Variants in OXR1 observed in about 807,000 individuals in gnomAD.
OXR1 encodes oxidation resistance 1.
OXR1 carries 41 observed loss-of-function variants against 104.6 expected under a neutral mutation model. That is an observed-to-expected ratio of 0.39 (90% CI 0.31 to 0.51). The LOEUF (loss-of-function observed/expected upper bound fraction) is 0.51. Among genes scored for constraint, OXR1 ranks in the 20% least tolerant of loss-of-function variants. The pLI is 0.77. For missense variants in OXR1, 955 were observed against 1,031.9 expected, an observed-to-expected ratio of 0.93 and a Z score of 1.02; for synonymous variants, 348 against 348.4, an observed-to-expected ratio of 1.00 and a Z score of 0.01.
At chr8:106,454,983 C>A (rs1441610899) in intron 2 of OXR1, among the ~76,000 whole-genome samples, 1 of 152,156 alleles carries the variant, frequency 6.6e-6, no homozygotes, top group Non-Finnish European at 1.5e-5. Context: ...AAGATAAGAA[C>A]TAACACTATA....
intron 2 of OXR1, among the ~76,000 whole-genome samples, chr8:106,359,849 T>C (rs893997531): frequency 6.6e-6 from 1 of 152,168 alleles, no homozygotes; most frequent in Non-Finnish European, 1.5e-5. Flanking sequence ...TGGAAAGGAT[T>C]GAAGCCTCGC....
rs377295420 is a variant in OXR1, at chr8:106,463,750, G to T, written c.24-55193G>T. ...TAAACGAGCCTATCCGTGAAGTAGG[G>T]ATTGTAAGAGCAGCAGCATCATATT... On this transcript the variant is annotated intron_variant, in intron 2 of 16. Transcript: ENST00000517566. Among the ~76,000 whole-genome samples, 8 of 152,234 alleles carry T rather than the reference G, an allele frequency of 5.3e-5. No homozygotes were observed. In the South Asian group the frequency reaches 1.4e-3, roughly 28 times the overall value.
chr8:106,394,163 GA>G (rs1357728918), intron 2 of OXR1, among the ~76,000 whole-genome samples: 1 of 151,858 alleles, frequency 6.6e-6, no homozygotes, highest in Non-Finnish European at 1.5e-5. Flanking sequence ...TTGGGGGCAG[GA>G]AACACATTTT....
intron 2 of OXR1, among the ~76,000 whole-genome samples, chr8:106,459,998 TATTC>T (rs1420449810): frequency 6.6e-6 from 1 of 152,206 alleles, no homozygotes; most frequent in Admixed American, 6.5e-5. Flanking sequence ...CACAGTCACT[TATTC>T]ATTAATTCAT....
chr8:106,505,956 C>A (rs979013746), intron 2 of OXR1, among the ~76,000 whole-genome samples: 2 of 152,046 alleles, frequency 1.3e-5, no homozygotes, highest in African/African-American at 4.8e-5. Flanking sequence ...CAAGGTCTAA[C>A]CAGAGAGAGC....
intron 11 of OXR1, among the ~76,000 whole-genome samples, chr8:106,717,723 T>C (rs1832406251): frequency 6.6e-6 from 1 of 152,220 alleles, no homozygotes; most frequent in Non-Finnish European, 1.5e-5. Flanking sequence ...TATTTATTAA[T>C]GGATAAACTT....
intron 3 of OXR1, among the ~76,000 whole-genome samples, chr8:106,521,002 C>T (rs1465424379): frequency 6.6e-6 from 1 of 152,122 alleles, no homozygotes; most frequent in African/African-American, 2.4e-5. Flanking sequence ...CTCATGAATT[C>T]TTCACTATTG....
In OXR1 at chr8:106,750,989, G is replaced by T. The variant is rs1398357189; in HGVS notation, c.*48G>T. 6.8e-7 allele frequency: 1 copy of T among 1,463,738 alleles called. No individual in the cohort carries two copies. The highest frequency in any genetic ancestry group is 9.2e-7 in the Non-Finnish European group (1 of 1,081,714). 90.7% of individuals were successfully genotyped at this position (1,463,738 alleles called of 1,614,324 possible). ...AGGAGAATGGCCCAAACCTGACATG[G>T]ACAAGCATTGTTTGGAAAGTTCAAG... On this transcript the variant is annotated 3_prime_UTR_variant, in exon 17 of 17. Coordinates refer to ENST00000517566, the MANE Select transcript of OXR1 (RefSeq NM_001198533.2).
intron 3 of OXR1, among the ~76,000 whole-genome samples, chr8:106,550,750 C>T (rs1348171728): frequency 6.6e-6 from 1 of 152,110 alleles, no homozygotes; most frequent in African/African-American, 2.4e-5. Flanking sequence ...CATTAGGTCT[C>T]CCCTGCCACA....
intron 2 of OXR1, among the ~76,000 whole-genome samples, chr8:106,483,754 A>G (rs2129771897): frequency 6.6e-6 from 1 of 152,182 alleles, no homozygotes; most frequent in South Asian, 2.1e-4. Context: ...CCAAGCCCAC[A>G]GAGTTGAGGA....
intron 3 of OXR1, among the ~76,000 whole-genome samples, chr8:106,575,985 A>AACTAACAC (rs1817798178): frequency 6.9e-6 from 1 of 144,296 alleles, no homozygotes; most frequent in African/African-American, 2.6e-5. Context: ...AAATGTTTAT[A>AACTAACAC]ACACACACAC....
At position 106,697,322 on chromosome 8, in the gene OXR1, G is replaced by T. The variant is rs941274630; in HGVS notation, c.675+4445G>T. On this transcript the variant is annotated intron_variant, in intron 7 of 16. Coordinates refer to ENST00000517566, the MANE Select transcript of OXR1 (RefSeq NM_001198533.2). ...GAACCCCTCACCCTGACAGAAGGGA[G>T]CTTAAGAGCTCTGGGGCTCTCTGGG... The T allele has an allele frequency of 6.8e-6, 6 of 888,454 alleles. No homozygotes were observed. In the African/African-American group the frequency reaches 8.4e-5, roughly 12 times the overall value. The allele number at this position is 888,454 out of a possible 1,614,324, so 55.0% of individuals were successfully genotyped here. A position where few individuals can be genotyped will look rare whatever the true frequency, so the allele number is the denominator to read the frequency against.
chr8:106,480,993 C>T (rs551454208), intron 2 of OXR1, among the ~76,000 whole-genome samples: 51 of 152,108 alleles, frequency 3.4e-4, no homozygotes, highest in African/African-American at 1.2e-3. Context: ...CTGACTCCTA[C>T]GTAACTATCC....
At chr8:106,303,193 A>G (rs1371808674) in intron 1 of OXR1, among the ~76,000 whole-genome samples, 5 of 151,028 alleles carry the variant, frequency 3.3e-5, no homozygotes, top group Admixed American at 1.3e-4. Flanking sequence ...ATACATACAG[A>G]ATCAACTTTA....
intron 2 of OXR1, among the ~76,000 whole-genome samples, chr8:106,496,870 C>A (rs1375171710): frequency 6.6e-6 from 1 of 152,182 alleles, no homozygotes; most frequent in Non-Finnish European, 1.5e-5. Context: ...AGTGGGTGAA[C>A]TAGTGTGGCC....
chr8:106,560,207 C>T (rs1816579343), intron 3 of OXR1, among the ~76,000 whole-genome samples: 1 of 152,124 alleles, frequency 6.6e-6, no homozygotes, highest in Non-Finnish European at 1.5e-5. Context: ...CCATTGGCTA[C>T]AAACTATTCA....
chr8:106,406,367 C>G (rs1818234607), intron 2 of OXR1, among the ~76,000 whole-genome samples: 4 of 151,952 alleles, frequency 2.6e-5, no homozygotes, highest in Middle Eastern at 3.4e-3. Context: ...ATATATATAA[C>G]TATGTTTTGA....
chr8:106,282,230 T>A (rs978952816), intron 1 of OXR1, among the ~76,000 whole-genome samples: 7 of 152,214 alleles, frequency 4.6e-5, no homozygotes, highest in African/African-American at 1.7e-4. Flanking sequence ...GCATATTCAT[T>A]AATTATGGGT....
intron 2 of OXR1, among the ~76,000 whole-genome samples, chr8:106,408,343 A>G (rs895223000): frequency 6.6e-6 from 1 of 152,168 alleles, no homozygotes; most frequent in African/African-American, 2.4e-5. Context: ...TTTAAAACCT[A>G]AAACTGTGTT....
Sources: allele counts gnomAD v4.1 joint callset (sites outside exome capture counted in the v4.1 genomes callset), GRCh38; gene constraint gnomAD v4.1.1; transcripts MANE v1.5; gene names NCBI Gene and HGNC (gene_info 2026-07-23, HGNC 2026-07-21).